The following VRK2 variants were observed in gnomAD, a reference collection of about 807,000 sequenced individuals.
VRK2 encodes the protein serine/threonine-protein kinase VRK2.
A neutral mutation model predicts 57.6 loss-of-function variants in VRK2; 60 were observed. The ratio of observed to expected loss-of-function variants is 1.04; its 90% CI spans 0.85 to 1.29. VRK2 has a LOEUF of 1.29. Ranked by LOEUF, VRK2 falls within the 50% of genes most tolerant of loss-of-function variation. The probability of loss-of-function intolerance (pLI) is 0.00; values close to 1 mark genes in which losing one functional copy is unlikely to be tolerated. For synonymous variants in VRK2, 231 were observed against 199.2 expected, an observed-to-expected ratio of 1.16 and a Z score of -1.35; for missense variants, 705 against 588.1, an observed-to-expected ratio of 1.20 and a Z score of -2.06.
At chr2:58,093,848 G>A (rs551211015) in intron 7 of VRK2, among the ~76,000 whole-genome samples, 2 of 152,312 alleles carry the variant, frequency 1.3e-5, no homozygotes, top group South Asian at 4.1e-4. Context: ...TGTATAAAGT[G>A]TAAGGAAGGG....
intron 3 of VRK2, among the ~76,000 whole-genome samples, chr2:58,034,078 C>G (rs1412734018): frequency 6.6e-6 from 1 of 152,028 alleles, no homozygotes; most frequent in East Asian, 1.9e-4. Flanking sequence ...TACTTGCCAC[C>G]TCTCACTATG....
chr2:58,046,486 A>G (rs568369887), upstream of VRK2: 97 of 985,252 alleles, frequency 9.8e-5, no homozygotes, highest in African/African-American at 1.4e-3. Flanking sequence ...AGGAGATCTA[A>G]CACTCCTACA....
At chr2:57,936,857 T>C (rs1456211739) in intron 1 of VRK2, among the ~76,000 whole-genome samples, 1 of 152,188 alleles carries the variant, frequency 6.6e-6, no homozygotes, top group Non-Finnish European at 1.5e-5. Flanking sequence ...TTATGTGTAG[T>C]TTGGTCTTGC....
chr2:58,136,558 T>G (rs1023375688), intron 10 of VRK2, among the ~76,000 whole-genome samples: 1 of 151,722 alleles, frequency 6.6e-6, no homozygotes, highest in Non-Finnish European at 1.5e-5. Flanking sequence ...CTACTTTTTG[T>G]ATTTTTAGTA....
At chr2:57,982,461 G>A (rs1672451218) in intron 1 of VRK2, among the ~76,000 whole-genome samples, 1 of 152,198 alleles carries the variant, frequency 6.6e-6, no homozygotes. Flanking sequence ...CACACCAGCA[G>A]GGGAAGGCTG....
Position 58,046,827 on chromosome 2 carries a change from A to C in VRK2, c.-47A>C, listed in dbSNP as rs567768211. On this transcript the variant is annotated 5_prime_UTR_variant, in exon 1 of 13. Coordinates refer to ENST00000340157, the MANE Select transcript of VRK2 (RefSeq NM_006296.7). ...CCGCCTCGTCGCAGCGGCAGGTAGGAGGCGGTGCGCGCGGCCCGGCGACGG... is the reference window on the plus strand; with the variant it reads ...CCGCCTCGTCGCAGCGGCAGGTAGGCGGCGGTGCGCGCGGCCCGGCGACGG... The C allele has an allele frequency of 3.7e-5, 36 of 985,566 alleles. No individual in the cohort carries two copies. The Middle Eastern group carries it at 2.1e-3, about 57-fold the overall frequency. 61.1% of individuals were successfully genotyped at this position (985,566 alleles called of 1,614,324 possible). A position where few individuals can be genotyped will look rare whatever the true frequency, so the allele number is the denominator to read the frequency against.
chr2:58,063,095 A>G (rs1047400746), intron 2 of VRK2, among the ~76,000 whole-genome samples: 3 of 151,966 alleles, frequency 2.0e-5, no homozygotes, highest in African/African-American at 7.2e-5. Flanking sequence ...TATGTTTACT[A>G]TCTATTCTGC....
At chr2:57,985,408 C>A (rs1672564058) in intron 1 of VRK2, among the ~76,000 whole-genome samples, 1 of 152,012 alleles carries the variant, frequency 6.6e-6, no homozygotes, top group South Asian at 2.1e-4. Context: ...ACATTATACA[C>A]AAATCTGAAA....
chr2:58,089,074 C>G (rs970764263), intron 6 of VRK2, among the ~76,000 whole-genome samples: 1 of 152,156 alleles, frequency 6.6e-6, no homozygotes, highest in African/African-American at 2.4e-5. Flanking sequence ...TCTCATTTAT[C>G]CATCCTCGAA....
intron 5 of VRK2, 35 bp downstream of exon 5, chr2:58,086,461 A>G: frequency 3.3e-6 from 5 of 1,527,140 alleles, no homozygotes; most frequent in Non-Finnish European, 4.4e-6. Context: ...ATATTTCTTT[A>G]TAACTATTCC....
intron 1 of VRK2, among the ~76,000 whole-genome samples, chr2:57,987,349 G>A (rs1195979575): frequency 1.3e-5 from 2 of 151,998 alleles, no homozygotes; most frequent in Non-Finnish European, 2.9e-5. Flanking sequence ...GCAAAACTCT[G>A]AACAAATACT....
At chr2:57,975,666 C>CCCTA (rs1455144774) in intron 1 of VRK2, among the ~76,000 whole-genome samples, 3 of 151,896 alleles carry the variant, frequency 2.0e-5, no homozygotes, top group Non-Finnish European at 4.4e-5. Context: ...CTTTCGGAGT[C>CCCTA]CCTACCACCT....
chr2:58,037,818 A>G (rs1674324313), intron 3 of VRK2, among the ~76,000 whole-genome samples: 1 of 152,134 alleles, frequency 6.6e-6, no homozygotes. Flanking sequence ...CCAACAACTA[A>G]TTTTACAAAG....
intron 1 of VRK2, among the ~76,000 whole-genome samples, chr2:57,999,137 A>G (rs914709797): frequency 6.6e-6 from 1 of 152,208 alleles, no homozygotes; most frequent in African/African-American, 2.4e-5. Context: ...TTAAAGGCAC[A>G]GCCCATTTAG....
intron 1 of VRK2, among the ~76,000 whole-genome samples, chr2:57,937,616 C>A (rs1231575283): frequency 1.3e-5 from 2 of 151,968 alleles, no homozygotes; most frequent in East Asian, 3.9e-4. Flanking sequence ...GTAAACAGAC[C>A]CAGCGGTTTT....
intron 9 of VRK2, among the ~76,000 whole-genome samples, chr2:58,132,645 C>T (rs1351574830): frequency 6.6e-6 from 1 of 152,142 alleles, no homozygotes; most frequent in Non-Finnish European, 1.5e-5. Context: ...TAGTTATCCA[C>T]AGGTAGCAAA....
intron 1 of VRK2, among the ~76,000 whole-genome samples, chr2:57,976,416 C>T (rs948024808): frequency 6.6e-6 from 1 of 152,110 alleles, no homozygotes; most frequent in African/African-American, 2.4e-5. Context: ...ACCTCGCAAT[C>T]ATCTGAATGT....
intron 7 of VRK2, among the ~76,000 whole-genome samples, chr2:58,107,737 CA>C (rs1674957834): frequency 6.6e-6 from 1 of 152,162 alleles, no homozygotes; most frequent in African/African-American, 2.4e-5. Flanking sequence ...AAATAGTAAA[CA>C]AATGTGATTT....
chr2:58,089,068 A>G (rs1672019387), intron 6 of VRK2, among the ~76,000 whole-genome samples: 2 of 152,186 alleles, frequency 1.3e-5, no homozygotes, highest in African/African-American at 4.8e-5. Context: ...TAATTTTCTC[A>G]TTTATCCATC....
Sources: gnomAD v4.1 joint callset for allele counts (sites outside exome capture counted in the v4.1 genomes callset) on GRCh38, gnomAD v4.1.1 for gene constraint, MANE v1.5 for transcripts, NCBI Gene and HGNC (gene_info 2026-07-23, HGNC 2026-07-21) for gene names.